Variants in ACYP2 observed in about 807,000 individuals in gnomAD.
The protein encoded by ACYP2 is acylphosphatase-2.
ACYP2 carries 12 observed loss-of-function variants against 11.2 expected under a neutral mutation model. That is an observed-to-expected ratio of 1.08 (90% CI 0.69 to 1.74). The LOEUF is 1.74. ACYP2 is among the 40% of genes most tolerant of loss of function. The pLI, the probability that ACYP2 is intolerant of heterozygous loss-of-function variation, is 0.00. For missense variants in ACYP2, 134 were observed against 101.9 expected (o/e 1.31, Z -1.35); for synonymous variants, 43 against 32.2 (o/e 1.33, Z -1.13).
In ACYP2 at chr2:54,279,402, A is replaced by G. The variant is rs182045193; in HGVS notation, c.405-25286A>G. 1.7e-3 allele frequency among the ~76,000 whole-genome samples: 257 copies of G among 152,360 alleles called. 5 individuals carry two copies. Among genetic ancestry groups the G allele is most frequent in the Admixed American group, 0.014 (214 of 15,308 alleles). Reference sequence around the variant, plus strand: ...ATATACCGAGGCTATATGAACCACAATGCCTAACACATTTACTATCTGGCC... The same window carrying G: ...ATATACCGAGGCTATATGAACCACAGTGCCTAACACATTTACTATCTGGCC... On this transcript the variant is annotated intron_variant, in intron 6 of 6. Transcript: ENST00000607452.
At chr2:54,172,739 C>T (rs1683270082) in intron 6 of ACYP2, among the ~76,000 whole-genome samples, 1 of 152,106 alleles carries the variant, frequency 6.6e-6, no homozygotes, top group Non-Finnish European at 1.5e-5. Flanking sequence ...ATGTTCCCTG[C>T]CCTGTGTCCA....
At chr2:54,176,928 C>A (rs1174556857) in intron 6 of ACYP2, among the ~76,000 whole-genome samples, 1 of 152,168 alleles carries the variant, frequency 6.6e-6, no homozygotes, top group Non-Finnish European at 1.5e-5. Flanking sequence ...CAGTTCACCT[C>A]TCCCTCTGTC....
Position 54,115,659 on chromosome 2 carries a change from A to C in ACYP2, c.278-19794A>C, listed in dbSNP as rs765081368. 5 of 1,600,820 alleles carry C rather than the reference A, an allele frequency of 3.1e-6. No individual in the cohort carries two copies. In the African/African-American group the frequency reaches 6.7e-5, roughly 21 times the overall value. ...CAGCCGCCGCAGTCGCTGCGCCCCGAGCCCCTCTCCGGCTCCTCAACAGAG... is the reference window on the plus strand; with the variant it reads ...CAGCCGCCGCAGTCGCTGCGCCCCGCGCCCCTCTCCGGCTCCTCAACAGAG... On this transcript the variant is annotated intron_variant, in intron 4 of 6. Coordinates refer to ENST00000607452, the MANE Select transcript of ACYP2 (RefSeq NM_001320586.2).
chr2:54,013,255 A>ATATGTGTGTGTGTGTG (rs1199088976), intron 2 of ACYP2, among the ~76,000 whole-genome samples: 2 of 117,526 alleles, frequency 1.7e-5, no homozygotes, highest in African/African-American at 6.3e-5. Context: ...ACCATCTAAT[A>ATATGTGTGTGTGTGTG]TGTGTGTGTG....
intron 6 of ACYP2, among the ~76,000 whole-genome samples, chr2:54,232,901 A>G (rs899680591): frequency 6.6e-6 from 1 of 152,122 alleles, no homozygotes; most frequent in African/African-American, 2.4e-5. Flanking sequence ...AGGGATTACA[A>G]TTCGAGATGA....
At chr2:54,225,850 A>G (rs1197554427) in intron 6 of ACYP2, among the ~76,000 whole-genome samples, 1 of 152,146 alleles carries the variant, frequency 6.6e-6, no homozygotes, top group Non-Finnish European at 1.5e-5. Flanking sequence ...TGAATATACA[A>G]CAACAGGGAT....
At chr2:54,083,606 A>G (rs1230192108) in intron 4 of ACYP2, among the ~76,000 whole-genome samples, 3 of 152,072 alleles carry the variant, frequency 2.0e-5, no homozygotes, top group Non-Finnish European at 4.4e-5. Flanking sequence ...AGAACCAAAC[A>G]CATGTGATGG....
chr2:54,012,784 CAG>C (rs1036103610), intron 2 of ACYP2, among the ~76,000 whole-genome samples: 3 of 152,150 alleles, frequency 2.0e-5, no homozygotes, highest in Non-Finnish European at 4.4e-5. Flanking sequence ...AACTAGCAGC[CAG>C]AGTTTTCCTA....
chr2:54,304,783 AT>A lies in ACYP2; in HGVS notation c.504del (p.Phe168LeufsTer12). On this transcript the variant is annotated frameshift_variant, in exon 7 of 7. Transcript: ENST00000607452. LOFTEE classifies it high-confidence loss of function. ...ACCATCTCTAAGCTTGAATACTCTA[AT>A]TTTAGTATTAGATACTAATAGAAGA... 6.2e-7 allele frequency: 1 copy of A among 1,603,314 alleles called. No homozygotes were observed. Among genetic ancestry groups the A allele is most frequent in the African/African-American group, 1.3e-5 (1 of 74,746 alleles).
At chr2:54,159,057 CTTACTACTATAAAACCATGTGTTATAGGT>C (rs1682582707) in intron 6 of ACYP2, among the ~76,000 whole-genome samples, 1 of 151,896 alleles carries the variant, frequency 6.6e-6, no homozygotes, top group Non-Finnish European at 1.5e-5. Context: ...AGTATATAGG[CTTACTACTATAAAACCATGTGTTATAGGT>C]TTACTACTAT....
At chr2:54,290,375 C>T (rs982484920) in intron 6 of ACYP2, among the ~76,000 whole-genome samples, 2 of 151,954 alleles carry the variant, frequency 1.3e-5, no homozygotes, top group Non-Finnish European at 2.9e-5. Context: ...TTAAATAAAT[C>T]TGTTCCCCCA....
At chr2:54,023,894 T>C (rs1254399820) in intron 2 of ACYP2, among the ~76,000 whole-genome samples, 1 of 152,180 alleles carries the variant, frequency 6.6e-6, no homozygotes, top group Non-Finnish European at 1.5e-5. Context: ...ACCAATTCTG[T>C]TGACACTATT....
Position 54,023,160 on chromosome 2 carries a change from G to T in ACYP2, c.63-27798G>T, listed in dbSNP as rs113662458. ...CCTCATAACCTTTCAAAGAATTGTTGTTAATTTCCAGGTGATTATGCTTTT... is the reference window on the plus strand; with the variant it reads ...CCTCATAACCTTTCAAAGAATTGTTTTTAATTTCCAGGTGATTATGCTTTT... On this transcript the variant is annotated intron_variant, in intron 2 of 6. Transcript: ENST00000607452. Among the ~76,000 whole-genome samples the T allele has an allele frequency of 6.7e-3, 1,021 of 152,206 alleles. 21 individuals are homozygous for T. Among genetic ancestry groups the T allele is most frequent in the African/African-American group, 0.023 (976 of 41,540 alleles).
chr2:54,267,537 A>G (rs908772195), intron 6 of ACYP2, among the ~76,000 whole-genome samples: 3 of 152,212 alleles, frequency 2.0e-5, no homozygotes, highest in South Asian at 2.1e-4. Context: ...TGACATATAT[A>G]TAAGCCCCAT....
intron 3 of ACYP2, among the ~76,000 whole-genome samples, chr2:54,054,818 G>A (rs114781212): frequency 2.3e-3 from 354 of 152,238 alleles, no homozygotes; most frequent in African/African-American, 8.2e-3. Flanking sequence ...ATCTCCCATT[G>A]TTTTCCCATG....
In ACYP2 at chr2:54,167,814, T is replaced by G. The variant is rs574096046; in HGVS notation, c.404+29066T>G. ...AGGGAAGAGAGTTGTGTAGGAGATA[T>G]CTAAAGAGGTTCAGAGAGAATGGCT... On this transcript the variant is annotated intron_variant, in intron 6 of 6. Transcript: ENST00000607452. 9.9e-5 allele frequency among the ~76,000 whole-genome samples: 15 copies of G among 152,258 alleles called. No homozygotes were observed. In the East Asian group the frequency reaches 2.9e-3, roughly 29 times the overall value.
intron 6 of ACYP2, among the ~76,000 whole-genome samples, chr2:54,185,471 A>C (rs1683939886): frequency 6.6e-6 from 1 of 152,226 alleles, no homozygotes. Context: ...CAATGCCAAC[A>C]AATCTCTATT....
Position 54,042,118 on chromosome 2 carries a change from T to C in ACYP2, c.63-8840T>C, listed in dbSNP as rs1675265549. ...CGCCCCCGAGTGCAAGCAATTCTCC[T>C]GCCTCAGCCTCCCAAGTAGCTGGGA... On this transcript the variant is annotated intron_variant, in intron 2 of 6. Coordinates refer to ENST00000607452, the MANE Select transcript of ACYP2 (RefSeq NM_001320586.2). Among the ~76,000 whole-genome samples, 8 of 151,972 alleles carry C rather than the reference T, an allele frequency of 5.3e-5. No individual in the cohort carries two copies. In the South Asian group the frequency reaches 1.7e-3, roughly 32 times the overall value.
intron 4 of ACYP2, chr2:54,123,124 G>T: frequency 2.7e-6 from 1 of 373,330 alleles, no homozygotes; most frequent in Non-Finnish European, 4.8e-6. Context: ...TTACCCAGTA[G>T]ATGAGTCACT....
Sources: gnomAD v4.1 joint callset for allele counts (sites outside exome capture counted in the v4.1 genomes callset) on GRCh38, gnomAD v4.1.1 for gene constraint, MANE v1.5 for transcripts, NCBI Gene and HGNC (gene_info 2026-07-23, HGNC 2026-07-21) for gene names.